Variants in PUDP observed in about 807,000 individuals in gnomAD.
PUDP encodes the protein pseudouridine 5'-phosphatase.
PUDP carries 8 observed loss-of-function variants against 9.4 expected under a neutral mutation model. The observed-to-expected ratio is 0.85, with a 90% CI of 0.50 to 1.53. The LOEUF is 1.53. Among genes scored for constraint, PUDP ranks in the 40% most tolerant of loss-of-function variants. The pLI, the probability that PUDP is intolerant of heterozygous loss-of-function variation, is 0.00. For synonymous variants in PUDP, 99 were observed against 80.7 expected (o/e 1.23, Z -1.22); for missense variants, 188 against 189.7 (o/e 0.99, Z 0.05).
In PUDP at chrX:6,993,027, C is replaced by A. The variant is rs6638650; in HGVS notation, c.205-14684G>T. 5.0e-4 allele frequency among the ~76,000 whole-genome samples: 56 copies of A among 111,790 alleles called. No individual in the cohort carries two copies. The East Asian group carries it at 0.013, about 26-fold the overall frequency. ...ACCTATACCAGTGGTTTGTCAGGGGCTCTGGGGCATTTGGCCACAGACTGA... is the reference window on the plus strand; with the variant it reads ...ACCTATACCAGTGGTTTGTCAGGGGATCTGGGGCATTTGGCCACAGACTGA... On this transcript the variant is annotated intron_variant and NMD_transcript_variant, in intron 1 of 3. Coordinates refer to the PUDP transcript ENST00000655425.
chrX:7,067,437 C>T (rs969263421), intron 3 of PUDP, among the ~76,000 whole-genome samples: 3 of 111,866 alleles, frequency 2.7e-5, no homozygotes, highest in Non-Finnish European at 5.6e-5. Flanking sequence ...GACTGTAAGC[C>T]CTGGAAACCA....
At position 6,916,909 on chromosome X, in the gene PUDP, T is replaced by C. The variant is rs369486500; in HGVS notation, c.*247+60224A>G. On this transcript the variant is annotated intron_variant and NMD_transcript_variant, in intron 3 of 3. Coordinates refer to the PUDP transcript ENST00000655425. ...CTGAAAAGCATTTAGTAAAACAAGGTTTCAATTAATAAAATTATCGTTTCT... is the reference window on the plus strand; with the variant it reads ...CTGAAAAGCATTTAGTAAAACAAGGCTTCAATTAATAAAATTATCGTTTCT... 3.6e-5 allele frequency among the ~76,000 whole-genome samples: 4 copies of C among 112,273 alleles called. No homozygotes were observed. The Admixed American group carries it at 3.8e-4, about 11-fold the overall frequency.
chrX:6,877,962 G>C (rs1366662226), intron 3 of PUDP, among the ~76,000 whole-genome samples: 1 of 111,866 alleles, frequency 8.9e-6, no homozygotes, highest in Non-Finnish European at 1.9e-5. Context: ...GCAAAGCAAA[G>C]AACACAACCT....
chrX:6,935,930 C>A lies in PUDP; in HGVS notation c.*247+41203G>T, dbSNP rs1204586415. ...ACACATACACTCTCCCAAGACTAAA[C>A]CAGGAAGAAGTTGAATCTCTGAATA... On this transcript the variant is annotated intron_variant and NMD_transcript_variant, in intron 3 of 3. Transcript: ENST00000655425. 1.6e-4 allele frequency among the ~76,000 whole-genome samples: 16 copies of A among 97,210 alleles called. No individual in the cohort carries two copies. In the East Asian group the frequency reaches 5.1e-3, roughly 31 times the overall value. 84.4% of individuals were successfully genotyped at this position (97,210 alleles called of 115,157 possible). A position where few individuals can be genotyped will look rare whatever the true frequency, so the allele number is the denominator to read the frequency against.
intron 3 of PUDP, among the ~76,000 whole-genome samples, chrX:6,836,360 C>A (rs1283571912): frequency 8.9e-6 from 1 of 111,990 alleles, no homozygotes; most frequent in East Asian, 2.8e-4. Context: ...CGAATCCTGA[C>A]ATGGGTCTCA....
intron 1 of PUDP, among the ~76,000 whole-genome samples, chrX:7,038,280 A>C (rs1262080463): frequency 8.9e-6 from 1 of 112,428 alleles, no homozygotes; most frequent in African/African-American, 3.2e-5. Context: ...TGAGTGGAGC[A>C]GACATTTGGC....
chrX:7,062,887 ATTTTTT>A (rs199914841), intron 3 of PUDP, among the ~76,000 whole-genome samples: 1 of 79,718 alleles, frequency 1.3e-5, no homozygotes, highest in African/African-American at 5.3e-5. Flanking sequence ...TGACTGCTTA[ATTTTTT>A]TTTTTTTTTT....
At position 7,050,289 on chromosome X, in the gene PUDP, C is replaced by T. The variant is rs769429949; in HGVS notation, c.*7G>A. On this transcript the variant is annotated 3_prime_UTR_variant, in exon 4 of 4. Transcript: ENST00000381077. Reference sequence around the variant, plus strand: ...GGGCTGGGGGCGGAAGACTGAGGCCCTCCCTCTCACTCATAGGAGGGCAAA... The same window carrying T: ...GGGCTGGGGGCGGAAGACTGAGGCCTTCCCTCTCACTCATAGGAGGGCAAA... The T allele has an allele frequency of 5.8e-6, 7 of 1,205,552 alleles. No individual in the cohort carries two copies. The highest frequency in any genetic ancestry group is 1.8e-5 in the African/African-American group (1 of 57,024).
chrX:6,884,229 G>T (rs767249136), intron 3 of PUDP, among the ~76,000 whole-genome samples: 2 of 111,681 alleles, frequency 1.8e-5, no homozygotes, highest in South Asian at 7.6e-4. Flanking sequence ...TTTGAGTTTT[G>T]GGAAAGGCAC....
intron 1 of PUDP, among the ~76,000 whole-genome samples, chrX:6,984,724 CAGG>C (rs1245546054): frequency 1.8e-5 from 2 of 111,638 alleles, no homozygotes; most frequent in East Asian, 2.8e-4. Context: ...AGGGTGTAAG[CAGG>C]AGAATACTGC....
intron 3 of PUDP, among the ~76,000 whole-genome samples, chrX:6,861,648 C>T (rs958977998): frequency 8.1e-5 from 9 of 111,562 alleles, no homozygotes; most frequent in Non-Finnish European, 1.7e-4. Context: ...AATTCTCCCA[C>T]GAGTCAACCC....
At chrX:6,968,710 C>G (rs935085520) in intron 3 of PUDP, among the ~76,000 whole-genome samples, 1 of 110,466 alleles carries the variant, frequency 9.1e-6, no homozygotes, top group Non-Finnish European at 1.9e-5. Context: ...ACCTCCACCT[C>G]CCCAGTTCAA....
At chrX:6,855,888 G>C (rs1339311987) in intron 3 of PUDP, among the ~76,000 whole-genome samples, 1 of 111,364 alleles carries the variant, frequency 9.0e-6, no homozygotes, top group African/African-American at 3.3e-5. Context: ...CTGGGCTAAG[G>C]TTCCTCAGTG....
intron 3 of PUDP, among the ~76,000 whole-genome samples, chrX:6,756,012 G>C (rs1184491584): frequency 9.0e-6 from 1 of 111,433 alleles, no homozygotes; most frequent in East Asian, 2.8e-4. Context: ...CAAAGTTAAA[G>C]AAGTATTGTA....
At chrX:7,138,052 G>A (rs1259984819) in intron 1 of PUDP, among the ~76,000 whole-genome samples, 6 of 112,034 alleles carry the variant, frequency 5.4e-5, no homozygotes, top group Non-Finnish European at 9.4e-5. Flanking sequence ...AAAAGGTGAC[G>A]AAGGGGCACA....
intron 1 of PUDP, among the ~76,000 whole-genome samples, chrX:7,117,648 C>A (rs1244170307): frequency 4.4e-5 from 5 of 112,770 alleles, no homozygotes; most frequent in African/African-American, 1.6e-4. Flanking sequence ...TGGCAGAGAA[C>A]GAAAAAGCTT....
At chrX:6,712,643 G>A (rs1924546724) in intron 1 of PUDP, among the ~76,000 whole-genome samples, 1 of 111,735 alleles carries the variant, frequency 8.9e-6, no homozygotes, top group African/African-American at 3.3e-5. Flanking sequence ...GGGATTCTGG[G>A]GAGCCATATA....
intron 1 of PUDP, among the ~76,000 whole-genome samples, chrX:6,979,676 T>C (rs995742356): frequency 1.8e-5 from 2 of 111,647 alleles, no homozygotes; most frequent in African/African-American, 3.3e-5. Flanking sequence ...AGAAAGCCAA[T>C]AGGGCATTGC....
intron 1 of PUDP, among the ~76,000 whole-genome samples, chrX:7,138,962 A>G (rs755178562): frequency 8.9e-5 from 10 of 111,915 alleles, no homozygotes; most frequent in Non-Finnish European, 1.3e-4. Context: ...ACTCTCTTCT[A>G]TGCTTTAGTA....
Sources: allele counts gnomAD v4.1 joint callset (sites outside exome capture counted in the v4.1 genomes callset), GRCh38; gene constraint gnomAD v4.1.1; transcripts MANE v1.5; gene names NCBI Gene and HGNC (gene_info 2026-07-23, HGNC 2026-07-21).